The following WIZ variants were observed in gnomAD, a reference collection of about 807,000 sequenced individuals.
WIZ encodes WIZ zinc finger, also known as protein Wiz.
In WIZ, 25 loss-of-function variants were observed where a neutral mutation model predicts 140.2. The observed-to-expected ratio is 0.18, with a 90% CI of 0.13 to 0.25. The LOEUF is 0.25. Ranked by LOEUF, WIZ falls within the 10% of genes least tolerant of loss-of-function variation. The pLI is 1.00. For synonymous variants in WIZ, 1,125 were observed against 1,154.3 expected (o/e 0.97, Z 0.51); for missense variants, 2,231 against 2,632.6 (o/e 0.85, Z 3.34).
intron 4 of WIZ, 39 bp from the exon 5 acceptor site, chr19:15,437,168 G>T: frequency 6.6e-7 from 1 of 1,522,362 alleles, no homozygotes; most frequent in Non-Finnish European, 8.8e-7. Flanking sequence ...GTGGAGAGGG[G>T]GCTACTCCCC....
At chr19:15,433,374 C>T (rs916697569) in intron 5 of WIZ, 2 of 985,166 alleles carry the variant, frequency 2.0e-6, no homozygotes, top group Middle Eastern at 5.2e-4. Context: ...TGGCACCCGC[C>T]CCCTCCTGCC....
At chr19:15,429,463 A>T in intron 7 of WIZ, 123 bp downstream of exon 7, 1 of 1,103,050 alleles carries the variant, frequency 9.1e-7, no homozygotes, top group Non-Finnish European at 1.2e-6. Context: ...GGCCCAGGAC[A>T]TGGGAGCTGT....
At position 15,421,389 on chromosome 19, in the gene WIZ, G is replaced by C. The variant is rs1381527056; in HGVS notation, c.*1687C>G. The C allele has an allele frequency of 2.0e-5, 3 of 152,260 alleles. No homozygotes were observed. Among genetic ancestry groups the C allele is most frequent in the African/African-American group, 7.2e-5 (3 of 41,462 alleles). The allele number at this position is 152,260 out of a possible 1,614,324, so 9.4% of individuals were successfully genotyped here. ...TCCTTCCCAGGAAGGGGTATGGTGG[G>C]AGGGCCCAGAAAGCAGGGCTGGGGG... On this transcript the variant is annotated 3_prime_UTR_variant, in exon 13 of 13. Coordinates refer to ENST00000673675, the MANE Select transcript of WIZ (RefSeq NM_001371589.1).
rs1386041997 is a variant in WIZ, at chr19:15,424,743, C to G, written c.5184G>C (p.Val1728=). ...GCTCCCCTCCGGCACTGCGGCCGACCACGGCCAGGCCCCCGGGTGCCAGCC... is the reference window on the plus strand; with the variant it reads ...GCTCCCCTCCGGCACTGCGGCCGACGACGGCCAGGCCCCCGGGTGCCAGCC... The part of the protein sequence containing the change: ...SLGLAPGGLA[V]VGRSAGGEPG... Residue 1728 remains valine, a synonymous_variant, in exon 11 of 13, where the codon GTG becomes GTC. Coordinates refer to ENST00000673675, the MANE Select transcript of WIZ (RefSeq NM_001371589.1). This position sits in a 1 kb window ranked among gnomAD's most constrained non-coding sequence, Gnocchi z 9.7. The G allele has an allele frequency of 6.4e-6, 10 of 1,570,270 alleles. No homozygotes were observed. The highest frequency in any genetic ancestry group is 8.6e-6 in the Non-Finnish European group (10 of 1,161,884).
chr19:15,443,100 C>A (rs1232814965), intron 2 of WIZ, among the ~76,000 whole-genome samples: 1 of 152,208 alleles, frequency 6.6e-6, no homozygotes. Flanking sequence ...GAGACGGAGT[C>A]TTGCTCTGTT....
chr19:15,429,533 TC>T, intron 7 of WIZ, 52 bp downstream of exon 7: 1 of 1,150,836 alleles, frequency 8.7e-7, no homozygotes, highest in Admixed American at 4.3e-5. Context: ...CAACCTGAGG[TC>T]CCGACCCTCC....
chr19:15,423,123 C>T lies in WIZ; in HGVS notation c.5623G>A (p.Glu1875Lys), dbSNP rs747271473. 6.2e-7 allele frequency: 1 copy of T among 1,612,614 alleles called. No individual in the cohort carries two copies. Among genetic ancestry groups the T allele is most frequent in the Non-Finnish European group, 8.5e-7 (1 of 1,179,848 alleles). Residue 1875 changes from glutamate (E) to lysine (K), a missense_variant, in exon 13 of 13, where the codon GAG becomes AAG. By Grantham distance (56) the Glu-to-Lys change is moderately conservative. This residue lies in a region of WIZ where 299 missense variants were observed against 309.6 expected (regional missense o/e 0.97). Transcript: ENST00000673675. Reference protein sequence around the residue: ...NFSKADPPPEESQAPQAQTAA... With the variant: ...NFSKADPPPEKSQAPQAQTAA... ...GTCTGTGCCTGCGGGGCCTGGGACT[C>T]CTCAGGTGGGGGGTCCGCTTTGGAG...
At chr19:15,423,875 T>G (rs1417664121) in intron 12 of WIZ, among the ~76,000 whole-genome samples, 1 of 152,208 alleles carries the variant, frequency 6.6e-6, no homozygotes, top group African/African-American at 2.4e-5. Flanking sequence ...ATTCACTTAC[T>G]CCTCGTAACA....
chr19:15,427,825 C>A lies in WIZ; in HGVS notation c.3814+285G>T, dbSNP rs1968945891. 6.6e-6 allele frequency among the ~76,000 whole-genome samples: 1 copy of A among 152,148 alleles called. No homozygotes were observed. The highest frequency in any genetic ancestry group is 6.5e-5 in the Admixed American group (1 of 15,280). On this transcript the variant is annotated intron_variant, in intron 8 of 12. Coordinates refer to ENST00000673675, the MANE Select transcript of WIZ (RefSeq NM_001371589.1). This position sits in a 1 kb window ranked among gnomAD's most constrained non-coding sequence, Gnocchi z 6.4. Reference sequence around the variant, plus strand: ...AGGACAGGGTGAGGCAGGGAGGCAGCCTAGGTGCTATGTGCCATCCAGACA... The same window carrying A: ...AGGACAGGGTGAGGCAGGGAGGCAGACTAGGTGCTATGTGCCATCCAGACA...
At position 15,425,265 on chromosome 19, in the gene WIZ, G is replaced by A. The variant is rs759781655; in HGVS notation, c.4870C>T (p.Leu1624Phe). Reference sequence around the variant, plus strand: ...CAGGAGTGGGAGGTCTTCTCATGAAGGGTCTTTGCCTTGAAGGGCAGTTCA... The same window carrying A: ...CAGGAGTGGGAGGTCTTCTCATGAAAGGTCTTTGCCTTGAAGGGCAGTTCA... ...QTELPFKAKTLHEKTSHSSTE... is the reference protein window; with the variant it reads ...QTELPFKAKTFHEKTSHSSTE... The change falls in exon 10 of 13, where the codon CTT becomes TTT. Residue 1624 changes from leucine to phenylalanine, a missense_variant. Leu to Phe is a conservative substitution (Grantham distance 22, BLOSUM62 0). This residue lies in a region of WIZ where 393 missense variants were observed against 451.7 expected (regional missense o/e 0.87). Coordinates refer to ENST00000673675, the MANE Select transcript of WIZ (RefSeq NM_001371589.1). 2 of 1,589,510 alleles carry A rather than the reference G, an allele frequency of 1.3e-6. No individual in the cohort carries two copies. Among genetic ancestry groups the A allele is most frequent in the Non-Finnish European group, 8.6e-7 (1 of 1,168,790 alleles).
At position 15,421,866 on chromosome 19, in the gene WIZ, C is replaced by T. The variant is rs1170956870; in HGVS notation, c.*1210G>A. On this transcript the variant is annotated 3_prime_UTR_variant, in exon 13 of 13. Transcript: ENST00000673675. ...CCCTGGTTCATCTGCTCACTGGAGC[C>T]GCTTTGCCAGCCAGCCAGAGACCCC... 1.3e-5 allele frequency: 2 copies of T among 152,258 alleles called. No homozygotes were observed. The highest frequency in any genetic ancestry group is 1.5e-5 in the Non-Finnish European group (1 of 68,086). The allele number at this position is 152,258 out of a possible 1,614,324, so 9.4% of individuals were successfully genotyped here.
At position 15,424,772 on chromosome 19, in the gene WIZ, G is replaced by A; in HGVS notation, c.5155C>T (p.Leu1719=). 2 of 1,584,214 alleles carry A rather than the reference G, an allele frequency of 1.3e-6. No homozygotes were observed. The highest frequency in any genetic ancestry group is 1.1e-5 in the South Asian group (1 of 87,758). The part of the protein sequence containing the change: ...HGRDSDKRPS[L]GLAPGGLAVV... ...GCCAGGCCCCCGGGTGCCAGCCCCA[G>A]GGACGGCCGCTTGTCACTGTCACGG... The change falls in exon 11 of 13, where the codon CTG becomes TTG. Residue 1719 remains leucine (L), a synonymous_variant. Coordinates refer to ENST00000673675, the MANE Select transcript of WIZ (RefSeq NM_001371589.1). The surrounding 1 kb of genome is among the most constrained non-coding windows in gnomAD (Gnocchi z 9.7).
In WIZ at chr19:15,428,312, G is replaced by C; in HGVS notation, c.3612C>G (p.Pro1204=). Residue 1204 remains proline, a synonymous_variant, in exon 8 of 13, where the codon CCC becomes CCG. Coordinates refer to ENST00000673675, the MANE Select transcript of WIZ (RefSeq NM_001371589.1). This position sits in a 1 kb window ranked among gnomAD's most constrained non-coding sequence, Gnocchi z 6.4. The part of the protein sequence containing the change: ...RRDGVQIRLP[P]RRGALAHPGR... Reference sequence around the variant, plus strand: ...CCGGGTGGGCCAGGGCGCCGCGCCTGGGTGGGAGGCGGATCTGGACGCCGT... The same window carrying C: ...CCGGGTGGGCCAGGGCGCCGCGCCTCGGTGGGAGGCGGATCTGGACGCCGT... 6.5e-7 allele frequency: 1 copy of C among 1,533,374 alleles called. No homozygotes were observed. Among genetic ancestry groups the C allele is most frequent in the Non-Finnish European group, 8.7e-7 (1 of 1,145,812 alleles). 95.0% of individuals were successfully genotyped at this position (1,533,374 alleles called of 1,614,324 possible).
Position 15,442,535 on chromosome 19 carries a change from G to T in WIZ, c.278+141C>A. ...CCAGCACACGCCCAGGGGCTTGCCT[G>T]CCGGGAGCTGACTCCTCCTCCTGCC... On this transcript the variant is annotated intron_variant, in intron 3 of 12. Transcript: ENST00000673675. This position sits in a 1 kb window ranked among gnomAD's most constrained non-coding sequence, Gnocchi z 5.5. 1 of 574,122 alleles carries T rather than the reference G, an allele frequency of 1.7e-6. No homozygotes were observed. The highest frequency in any genetic ancestry group is 2.6e-6 in the Non-Finnish European group (1 of 387,984). 35.6% of individuals were successfully genotyped at this position (574,122 alleles called of 1,614,324 possible).
In WIZ at chr19:15,424,850, A is replaced by G. The variant is rs1968629367; in HGVS notation, c.5077T>C (p.Tyr1693His). The change falls in exon 11 of 13, where the codon TAC becomes CAC. Residue 1693 changes from tyrosine (Y) to histidine (H), a missense_variant. Physicochemically the swap from Tyr to His is moderately conservative, Grantham distance 83. Transcript: ENST00000673675. The surrounding 1 kb of genome is among the most constrained non-coding windows in gnomAD (Gnocchi z 9.7). ...GTGAAGGGGCGGCCGCCCTGGATGT[A>G]GCTGCGGTAGGCGCCCACCTTCTGG... ...RPQKVGAYRSYIQGGRPFTKK... is the reference protein window; with the variant it reads ...RPQKVGAYRSHIQGGRPFTKK... 6.2e-7 allele frequency: 1 copy of G among 1,610,844 alleles called. No individual in the cohort carries two copies. Among genetic ancestry groups the G allele is most frequent in the Admixed American group, 1.7e-5 (1 of 59,830 alleles).
At position 15,438,099 on chromosome 19, in the gene WIZ, G is replaced by A. The variant is rs28580094; in HGVS notation, c.2416+479C>T. Among the ~76,000 whole-genome samples the A allele has an allele frequency of 9.8e-3, 1,485 of 152,282 alleles. 28 individuals are homozygous for A. The highest frequency in any genetic ancestry group is 0.034 in the African/African-American group (1,416 of 41,530). On this transcript the variant is annotated intron_variant, in intron 4 of 12. Transcript: ENST00000673675. Reference sequence around the variant, plus strand: ...TGTCAGAACCACCCAGGGTGCTCCTGTTGGAAACAGACTTCTGGAATCAGA... The same window carrying A: ...TGTCAGAACCACCCAGGGTGCTCCTATTGGAAACAGACTTCTGGAATCAGA...
chr19:15,448,090 C>A lies in WIZ; in HGVS notation c.205+13G>T. The A allele has an allele frequency of 6.2e-7, 1 of 1,611,916 alleles. No individual in the cohort carries two copies. Among genetic ancestry groups the A allele is most frequent in the South Asian group, 1.1e-5 (1 of 91,058 alleles). Reference sequence around the variant, plus strand: ...TGGATGCTCCCTGGGGGCCACACGGCCCATTCTCTTACCAGAGATGCCACC... The same window carrying A: ...TGGATGCTCCCTGGGGGCCACACGGACCATTCTCTTACCAGAGATGCCACC... On this transcript the variant is annotated intron_variant, in intron 2 of 12. Coordinates refer to ENST00000673675, the MANE Select transcript of WIZ (RefSeq NM_001371589.1).
chr19:15,446,730 C>T (rs939538693), intron 2 of WIZ, among the ~76,000 whole-genome samples: 13 of 152,216 alleles, frequency 8.5e-5, no homozygotes, highest in Admixed American at 3.3e-4. Context: ...CAGCCCCAGC[C>T]GCTGTGTCAT....
rs1969608216 is a variant in WIZ, at chr19:15,438,738, G to A, written c.2256C>T (p.Pro752=). 6.5e-7 allele frequency: 1 copy of A among 1,536,058 alleles called. No individual in the cohort carries two copies. ...CGTTGTGGAAGCGATCGGGGCAGTA[G>A]GGGCATTTCCGCTCCTCGTGCTTCA... is the stretch of plus-strand genomic sequence containing the variant. The part of the protein sequence containing the change: ...MALKHEERKC[P]YCPDRFHNGI... The change falls in exon 4 of 13, where the codon CCC becomes CCT. Residue 752 remains proline, a synonymous_variant. Transcript: ENST00000673675.
Sources: gnomAD v4.1 joint callset for allele counts (sites outside exome capture counted in the v4.1 genomes callset) on GRCh38, gnomAD v4.1.1 for gene constraint, gnomAD v4.1.1 regional missense constraint, Gnocchi (gnomAD v3.1) non-coding constraint, MANE v1.5 for transcripts, NCBI Gene and HGNC (gene_info 2026-07-23, HGNC 2026-07-21) for gene names.